The following TBCEL variants were observed in gnomAD, a reference collection of about 807,000 sequenced individuals.
The protein encoded by TBCEL is tubulin-specific chaperone cofactor E-like protein.
A neutral mutation model predicts 44.2 loss-of-function variants in TBCEL; 15 were observed. The ratio of observed to expected loss-of-function variants is 0.34; its 90% CI spans 0.23 to 0.52. The LOEUF (loss-of-function observed/expected upper bound fraction) is 0.52. TBCEL is among the 20% of genes least tolerant of loss of function. TBCEL has a pLI of 0.95. For missense variants in TBCEL, 319 were observed against 506.3 expected, an observed-to-expected ratio of 0.63 and a Z score of 3.55; for synonymous variants, 171 against 185.4, an observed-to-expected ratio of 0.92 and a Z score of 0.63.
chr11:121,054,878 T>C, intron 5 of TBCEL, 174 bp from the exon 6 acceptor site: 3 of 575,648 alleles, frequency 5.2e-6, no homozygotes, highest in Non-Finnish European at 8.0e-6. Context: ...CTTCAGGTTT[T>C]GTCTTCCCAG....
At chr11:121,075,584 T>G (rs1946018416) in intron 8 of TBCEL, among the ~76,000 whole-genome samples, 1 of 151,970 alleles carries the variant, frequency 6.6e-6, no homozygotes, top group Non-Finnish European at 1.5e-5. Flanking sequence ...GGTTAATATT[T>G]TTAGTATGTG....
intron 2 of TBCEL, among the ~76,000 whole-genome samples, chr11:121,042,158 A>G (rs987950650): frequency 6.6e-6 from 1 of 151,920 alleles, no homozygotes; most frequent in Non-Finnish European, 1.5e-5. Flanking sequence ...TGCTGCTTAA[A>G]CTCAGTGACA....
chr11:121,062,213 A>G (rs1945737358), intron 8 of TBCEL, among the ~76,000 whole-genome samples: 1 of 152,064 alleles, frequency 6.6e-6, no homozygotes, highest in Non-Finnish European at 1.5e-5. Context: ...AGTGACATAT[A>G]TGGAGTCTTT....
intron 2 of TBCEL, among the ~76,000 whole-genome samples, chr11:121,042,971 A>G (rs1945361028): frequency 6.6e-6 from 1 of 152,162 alleles, no homozygotes; most frequent in Admixed American, 6.6e-5. Flanking sequence ...TTCCTCTTAG[A>G]ATTAACATTT....
intron 8 of TBCEL, among the ~76,000 whole-genome samples, chr11:121,063,170 G>A (rs1480172125): frequency 6.6e-6 from 1 of 152,022 alleles, no homozygotes; most frequent in African/African-American, 2.4e-5. Flanking sequence ...CCCATCTCAA[G>A]ATATAGGGAG....
intron 7 of TBCEL, among the ~76,000 whole-genome samples, chr11:121,059,474 T>G (rs1281612014): frequency 6.6e-6 from 1 of 151,912 alleles, no homozygotes; most frequent in Non-Finnish European, 1.5e-5. Context: ...AATTGAAATG[T>G]GCTATAAGGG....
rs1028764515 is a variant in TBCEL at position 121,045,812 on chromosome 11, C to T, written c.122C>T (p.Ser41Phe). 1.3e-6 allele frequency: 2 copies of T among 1,590,262 alleles called. No individual in the cohort carries two copies. Among genetic ancestry groups the T allele is most frequent in the African/African-American group, 1.4e-5 (1 of 73,370 alleles). The change falls in exon 3 of 9, where the codon TCT becomes TTT. Residue 41 changes from serine (S) to phenylalanine (F), a missense_variant. Ser to Phe is a radical substitution (Grantham distance 155). Coordinates refer to ENST00000683345, the MANE Select transcript of TBCEL (RefSeq NM_001363644.2). The stretch of plus-strand genomic sequence containing the variant: ...CATGTCCCAGCCACACCTCAGGGCT[C>T]TCCTATGAAAGGTAAGAAAGATGGG... ...GVHVPATPQG[S>F]PMKDRLNLPS...
intron 1 of TBCEL, chr11:121,035,902 G>A (rs1470769125): frequency 6.6e-6 from 1 of 152,136 alleles, no homozygotes; most frequent in Non-Finnish European, 1.5e-5. Flanking sequence ...CTTTGATGTG[G>A]TTACAAGAGG....
rs372063412 is a variant in TBCEL at position 121,057,476 on chromosome 11, G to C, written c.713-869G>C. Reference sequence around the variant, plus strand: ...CATATTCTCCTTACTCAAAGGTTCAGGTTTTTTGTTTTTGTTTGTTTTAAA... The same window carrying C: ...CATATTCTCCTTACTCAAAGGTTCACGTTTTTTGTTTTTGTTTGTTTTAAA... On this transcript the variant is annotated intron_variant, in intron 6 of 8. Coordinates refer to ENST00000683345, the MANE Select transcript of TBCEL (RefSeq NM_001363644.2). 1.2e-3 allele frequency: 434 copies of C among 349,036 alleles called. 12 individuals carry two copies. The highest frequency in any genetic ancestry group is 0.01 in the South Asian group (428 of 42,064). The allele number at this position is 349,036 out of a possible 1,614,324, so 21.6% of individuals were successfully genotyped here. A position where few individuals can be genotyped will look rare whatever the true frequency, so the allele number is the denominator to read the frequency against.
intron 1 of TBCEL, among the ~76,000 whole-genome samples, chr11:121,031,327 C>G (rs1240257098): frequency 6.6e-6 from 1 of 151,382 alleles, no homozygotes; most frequent in African/African-American, 2.4e-5. Context: ...AGTTTCTGTT[C>G]TTCTGCATTT....
intron 6 of TBCEL, among the ~76,000 whole-genome samples, 157 bp downstream of exon 6, chr11:121,055,465 A>T (rs554432519): frequency 1.3e-5 from 2 of 152,038 alleles, no homozygotes; most frequent in East Asian, 3.9e-4. Flanking sequence ...AATTTAAGAG[A>T]TTCATTTTCA....
intron 8 of TBCEL, among the ~76,000 whole-genome samples, chr11:121,080,843 TCTCCTAAAAA>T (rs1946111944): frequency 6.6e-6 from 1 of 152,106 alleles, no homozygotes; most frequent in African/African-American, 2.4e-5. Context: ...CAGGCATACC[TCTCCTAAAAA>T]TGACCACCGT....
chr11:121,053,173 G>C (rs755157720), intron 4 of TBCEL, among the ~76,000 whole-genome samples: 63 of 151,820 alleles, frequency 4.1e-4, no homozygotes, highest in Non-Finnish European at 7.7e-4. Context: ...GGAGATATTC[G>C]AAGAGGATTA....
chr11:121,027,327 T>C (rs927140625), intron 1 of TBCEL, among the ~76,000 whole-genome samples: 2 of 152,358 alleles, frequency 1.3e-5, no homozygotes, highest in Middle Eastern at 3.4e-3. Flanking sequence ...CTGACTTACT[T>C]CTTTGGAATT....
chr11:121,055,104 T>C lies in TBCEL; in HGVS notation c.508T>C (p.Ser170Pro). ...LNDYETVSCP[S>P]ICCHSLKLLH... is the part of the protein sequence containing the mutation. ...TGACTATGAAACAGTGTCTTGTCCT[T>C]CTATTTGCTGTCATTCTCTTAAGCT... The change falls in exon 6 of 9, where the codon TCT (serine) becomes CCT (proline). Residue 170 changes from serine to proline, a missense_variant. Transcript: ENST00000683345. 6.2e-7 allele frequency: 1 copy of C among 1,603,026 alleles called. No homozygotes were observed. Among genetic ancestry groups the C allele is most frequent in the Admixed American group, 1.7e-5 (1 of 59,348 alleles).
At chr11:121,057,837 C>G (rs1945649062) in intron 6 of TBCEL, among the ~76,000 whole-genome samples, 1 of 151,786 alleles carries the variant, frequency 6.6e-6, no homozygotes, top group Non-Finnish European at 1.5e-5. Flanking sequence ...GGAAACCAGT[C>G]CCCCATGGAT....
At chr11:121,043,812 A>C (rs568864458) in intron 2 of TBCEL, among the ~76,000 whole-genome samples, 179 of 152,074 alleles carry the variant, frequency 1.2e-3, no homozygotes, top group African/African-American at 4.1e-3. Flanking sequence ...ATCAGTGACT[A>C]TTGTCTTATT....
At chr11:121,061,713 A>T (rs1405836212) in intron 8 of TBCEL, among the ~76,000 whole-genome samples, 1 of 152,106 alleles carries the variant, frequency 6.6e-6, no homozygotes. Context: ...AAAAACTGCT[A>T]TACCTGTCTA....
chr11:121,053,454 T>A, intron 4 of TBCEL, 97 bp from the exon 5 acceptor site: 3 of 1,139,904 alleles, frequency 2.6e-6, no homozygotes, highest in Non-Finnish European at 2.5e-6. Flanking sequence ...AAATGGCCCT[T>A]TGCCTGGAGA....
Sources: gnomAD v4.1 joint callset for allele counts (sites outside exome capture counted in the v4.1 genomes callset) on GRCh38, gnomAD v4.1.1 for gene constraint, MANE v1.5 for transcripts, NCBI Gene and HGNC (gene_info 2026-07-23, HGNC 2026-07-21) for gene names.